Variants in MTMR3 observed in about 807,000 individuals in gnomAD.
The protein encoded by MTMR3 is myotubularin related protein 3, also known as phosphatidylinositol-3,5-bisphosphate 3-phosphatase MTMR3.
Under a neutral mutation model 132.4 loss-of-function variants are expected in MTMR3, and 32 were observed. That is an observed-to-expected ratio of 0.24 (90% CI 0.18 to 0.32). The LOEUF is 0.32. MTMR3 is among the 10% of genes least tolerant of loss of function. MTMR3 has a pLI of 1.00. For missense variants in MTMR3, 1,216 were observed against 1,489.6 expected (o/e 0.82, Z 3.02); for synonymous variants, 556 against 550.3 (o/e 1.01, Z -0.14).
chr22:29,951,011 C>G (rs545332516), intron 1 of MTMR3, among the ~76,000 whole-genome samples: 2 of 152,044 alleles, frequency 1.3e-5, no homozygotes, highest in East Asian at 3.9e-4. Context: ...ATTAGCTGGG[C>G]GTGGTGGCAT....
chr22:29,974,333 T>C (rs2066591540), intron 3 of MTMR3, among the ~76,000 whole-genome samples: 5 of 152,198 alleles, frequency 3.3e-5, no homozygotes, highest in Admixed American at 3.3e-4. Flanking sequence ...TAAATTCAAC[T>C]GTTCAGCCAC....
intron 12 of MTMR3, chr22:30,010,552 C>T (rs2067391965): frequency 6.6e-6 from 1 of 152,196 alleles, no homozygotes; most frequent in Non-Finnish European, 1.5e-5. Flanking sequence ...TGGTAGGCTT[C>T]TAGTGCAGGT....
At chr22:29,948,107 A>G (rs2065985840) in intron 1 of MTMR3, among the ~76,000 whole-genome samples, 1 of 152,230 alleles carries the variant, frequency 6.6e-6, no homozygotes, top group Non-Finnish European at 1.5e-5. Context: ...TTTTCATTTC[A>G]CATAGCCTCT....
intron 1 of MTMR3, among the ~76,000 whole-genome samples, chr22:29,921,150 A>G (rs188930945): frequency 1.2e-4 from 18 of 152,242 alleles, no homozygotes; most frequent in African/African-American, 4.3e-4. Context: ...GCTGTACAAG[A>G]AGCATGGCAC....
intron 6 of MTMR3, chr22:29,989,716 A>T (rs748579472): frequency 3.3e-5 from 5 of 152,180 alleles, no homozygotes; most frequent in Non-Finnish European, 5.9e-5. Context: ...GTATTGTATT[A>T]CATCTGGAAG....
chr22:29,995,874 G>A (rs999896940), intron 7 of MTMR3: 4 of 152,160 alleles, frequency 2.6e-5, no homozygotes. Context: ...TAATGATGTG[G>A]TTTTCAAATA....
chr22:29,967,917 CTGTGTGTGTG>C (rs57853762), intron 2 of MTMR3, among the ~76,000 whole-genome samples: 50 of 148,450 alleles, frequency 3.4e-4, no homozygotes, highest in Non-Finnish European at 5.1e-4. Context: ...ATTATATATA[CTGTGTGTGTG>C]TGTGTGTGTG....
chr22:29,980,024 T>C (rs970233123), intron 5 of MTMR3: 23 of 152,242 alleles, frequency 1.5e-4, no homozygotes, highest in African/African-American at 5.5e-4. Flanking sequence ...GCAAATGCCT[T>C]CTTCCTTCTT....
rs184925401 is a variant in MTMR3, at chr22:30,027,827, T to C, written c.*2026T>C. 15 of 152,452 alleles carry C rather than the reference T, an allele frequency of 9.8e-5. No individual in the cohort carries two copies. The East Asian group carries it at 2.5e-3, about 25-fold the overall frequency. 9.4% of individuals were successfully genotyped at this position (152,452 alleles called of 1,614,324 possible). ...ACTTTAGAATTGTTAAATATATAAA[T>C]AAAGCAAATAAAGTTGAGTGTTCCA... is the stretch of plus-strand genomic sequence containing the variant. On this transcript the variant is annotated 3_prime_UTR_variant, in exon 20 of 20. Coordinates refer to ENST00000401950, the MANE Select transcript of MTMR3 (RefSeq NM_021090.4).
Position 30,019,528 on chromosome 22 carries a change from C to G in MTMR3, c.1869C>G (p.Asn623Lys). 2 of 1,611,368 alleles carry G rather than the reference C, an allele frequency of 1.2e-6. No individual in the cohort carries two copies. The highest frequency in any genetic ancestry group is 4.5e-5 in the East Asian group (2 of 44,886). ...ACAATCTGACCACAGCCTGTGACAA[C>G]ACAGTGCCTCTGGCCAGCCGGCGCT... Reference protein sequence around the residue: ...SYDNLTTACDNTVPLASRRCS... With the variant: ...SYDNLTTACDKTVPLASRRCS... The change falls in exon 17 of 20, where the codon AAC becomes AAG. Residue 623 changes from asparagine to lysine, a missense_variant. Transcript: ENST00000401950.
chr22:29,992,792 A>T (rs552153843), intron 7 of MTMR3: 4 of 152,214 alleles, frequency 2.6e-5, no homozygotes, highest in African/African-American at 7.2e-5. Flanking sequence ...CTCTGGCCCC[A>T]TGACTAATTG....
chr22:29,965,596 A>T (rs2066399209), intron 2 of MTMR3, among the ~76,000 whole-genome samples: 1 of 152,230 alleles, frequency 6.6e-6, no homozygotes, highest in Non-Finnish European at 1.5e-5. Flanking sequence ...GAGACACCAG[A>T]ATCACTTGAA....
chr22:29,991,305 T>C (rs1291589627), intron 6 of MTMR3, 199 bp from the exon 7 acceptor site: 1 of 439,766 alleles, frequency 2.3e-6, no homozygotes, highest in Admixed American at 4.4e-5. Flanking sequence ...CTTCCTCCTT[T>C]TGGACATTTT....
At chr22:29,927,960 AGAC>A (rs1229517494) in intron 1 of MTMR3, among the ~76,000 whole-genome samples, 3 of 26,940 alleles carry the variant, frequency 1.1e-4, no homozygotes, top group African/African-American at 3.7e-4. Context: ...TTTTTTTTTG[AGAC>A]GACGTCTTGC....
At chr22:29,960,214 T>A (rs2012386336) in intron 2 of MTMR3, among the ~76,000 whole-genome samples, 1 of 152,124 alleles carries the variant, frequency 6.6e-6, no homozygotes, top group African/African-American at 2.4e-5. Flanking sequence ...CAATATATGA[T>A]CCCAGACTAG....
At position 30,022,639 on chromosome 22, in the gene MTMR3, G is replaced by A. The variant is rs1297327573; in HGVS notation, c.3367G>A (p.Ala1123Thr). 5.6e-6 allele frequency: 9 copies of A among 1,612,636 alleles called. No homozygotes were observed. The highest frequency in any genetic ancestry group is 3.3e-4 in the Middle Eastern group (2 of 6,056). The change falls in exon 19 of 20, where the codon GCC (alanine) becomes ACC (threonine). Residue 1123 changes from alanine (A) to threonine (T), a missense_variant. Physicochemically the swap from Ala to Thr is moderately conservative, Grantham distance 58. Transcript: ENST00000401950. Reference sequence around the variant, plus strand: ...CCGTTGGCTTCCTGACCACCTGGCCGCCCACTGCTATGCGTGCGACAGTGC... The same window carrying A: ...CCGTTGGCTTCCTGACCACCTGGCCACCCACTGCTATGCGTGCGACAGTGC... ...MTRWLPDHLA[A>T]HCYACDSAFW... is the part of the protein sequence containing the mutation.
chr22:30,022,812 A>T (rs41169), intron 19 of MTMR3, 115 bp downstream of exon 19: 49 of 926,444 alleles, frequency 5.3e-5, no homozygotes, highest in Non-Finnish European at 7.9e-5. Context: ...AGGCAGAGCC[A>T]TGGTCTCATC....
intron 1 of MTMR3, among the ~76,000 whole-genome samples, chr22:29,887,648 C>T (rs2064705812): frequency 6.6e-6 from 1 of 152,120 alleles, no homozygotes. Flanking sequence ...ACATTTATGC[C>T]AAGGTCTCTA....
chr22:29,978,791 A>G, intron 4 of MTMR3, 145 bp from the exon 5 acceptor site: 2 of 684,722 alleles, frequency 2.9e-6, no homozygotes, highest in Non-Finnish European at 2.5e-6. Context: ...GTATAAACCC[A>G]TCCTCTTTAG....
Sources: allele counts gnomAD v4.1 joint callset (sites outside exome capture counted in the v4.1 genomes callset), GRCh38; gene constraint gnomAD v4.1.1; transcripts MANE v1.5; gene names NCBI Gene and HGNC (gene_info 2026-07-23, HGNC 2026-07-21).